The following ANKS1B variants were observed in gnomAD, a reference collection of about 807,000 sequenced individuals.
ANKS1B encodes ankyrin repeat and sterile alpha motif domain-containing protein 1B.
A neutral mutation model predicts 148.3 loss-of-function variants in ANKS1B; 36 were observed. The ratio of observed to expected loss-of-function variants is 0.24; its 90% confidence interval spans 0.19 to 0.32. ANKS1B has a LOEUF of 0.32. Among genes scored for constraint, ANKS1B ranks in the 10% least tolerant of loss-of-function variants. The pLI is 1.00. For synonymous variants in ANKS1B, 542 were observed against 560.8 expected (o/e 0.97, Z 0.47); for missense variants, 1,157 against 1,542.6 (o/e 0.75, Z 4.19).
chr12:99,164,997 T>C (rs1341574385), intron 14 of ANKS1B, among the ~76,000 whole-genome samples: 1 of 152,032 alleles, frequency 6.6e-6, no homozygotes, highest in Non-Finnish European at 1.5e-5. Context: ...TTAGTTAGAA[T>C]AGTTTCTCAT....
At chr12:99,015,620 AC>A (rs2153424132) in intron 17 of ANKS1B, among the ~76,000 whole-genome samples, 1 of 152,324 alleles carries the variant, frequency 6.6e-6, no homozygotes, top group South Asian at 2.1e-4. Context: ...TAATCCCAGC[AC>A]TTTGAGAGGC....
At chr12:99,545,282 T>C (rs1238483040) in intron 9 of ANKS1B, among the ~76,000 whole-genome samples, 2 of 152,166 alleles carry the variant, frequency 1.3e-5, no homozygotes, top group East Asian at 1.9e-4. Flanking sequence ...ATGGCAAATG[T>C]ATTTAACTTT....
intron 19 of ANKS1B, among the ~76,000 whole-genome samples, chr12:98,817,967 T>C (rs1299092509): frequency 6.6e-6 from 1 of 152,206 alleles, no homozygotes; most frequent in African/African-American, 2.4e-5. Flanking sequence ...TGACCCATGA[T>C]TGCTGGAGTC....
intron 14 of ANKS1B, among the ~76,000 whole-genome samples, chr12:99,185,444 G>A (rs1277043461): frequency 6.6e-6 from 1 of 152,140 alleles, no homozygotes; most frequent in East Asian, 1.9e-4. Flanking sequence ...ATGTCATGAA[G>A]GTGGCTGGCA....
At chr12:99,916,303 G>A (rs1340729308) in intron 1 of ANKS1B, among the ~76,000 whole-genome samples, 1 of 152,174 alleles carries the variant, frequency 6.6e-6, no homozygotes, top group Non-Finnish European at 1.5e-5. Context: ...ACTGGTGAAA[G>A]TGGAATACCC....
chr12:99,409,791 A>AT (rs11407854), intron 11 of ANKS1B, among the ~76,000 whole-genome samples: 42,637 of 151,982 alleles, frequency 0.28, 6,349 homozygotes, highest in East Asian at 0.54. Context: ...AACATGTTTG[A>AT]TTTAATATAA....
chr12:99,244,445 T>A, intron 13 of ANKS1B, 31 bp from the exon 14 acceptor site: 1 of 1,402,514 alleles, frequency 7.1e-7, no homozygotes. Context: ...TTAAATGGAT[T>A]GTTACATTCA....
chr12:99,682,573 C>T (rs565226337), intron 8 of ANKS1B, among the ~76,000 whole-genome samples: 13 of 152,248 alleles, frequency 8.5e-5, no homozygotes, highest in African/African-American at 2.4e-4. Flanking sequence ...AATAGTGACA[C>T]ATCCTATCAA....
intron 8 of ANKS1B, among the ~76,000 whole-genome samples, chr12:99,676,333 T>G (rs1008545298): frequency 5.2e-4 from 79 of 152,290 alleles, no homozygotes; most frequent in African/African-American, 1.7e-3. Context: ...ATAAAATATA[T>G]TAAAACACAT....
intron 17 of ANKS1B, among the ~76,000 whole-genome samples, chr12:99,008,189 A>C (rs892907182): frequency 1.3e-5 from 2 of 152,130 alleles, no homozygotes; most frequent in Non-Finnish European, 2.9e-5. Flanking sequence ...CTCAGACAAA[A>C]GGAAAAGTCA....
chr12:99,251,786 A>G (rs1219901172), intron 12 of ANKS1B, among the ~76,000 whole-genome samples: 3 of 152,202 alleles, frequency 2.0e-5, no homozygotes, highest in African/African-American at 7.2e-5. Flanking sequence ...CTATTGGGTC[A>G]TTGCATCTGA....
At chr12:99,060,473 A>T (rs1304592715) in intron 16 of ANKS1B, among the ~76,000 whole-genome samples, 1 of 152,160 alleles carries the variant, frequency 6.6e-6, no homozygotes, top group Non-Finnish European at 1.5e-5. Flanking sequence ...AAGAGGAAGA[A>T]AGGTTTTCTC....
intron 17 of ANKS1B, among the ~76,000 whole-genome samples, chr12:98,877,370 T>C (rs1454592089): frequency 2.0e-5 from 3 of 152,254 alleles, no homozygotes; most frequent in Admixed American, 1.3e-4. Flanking sequence ...CCACAAATAA[T>C]AAACAAAAAA....
At chr12:99,874,022 C>CATATATATATATATATATATAT (rs150860727) in intron 1 of ANKS1B, among the ~76,000 whole-genome samples, 43 of 137,914 alleles carry the variant, frequency 3.1e-4, no homozygotes, top group African/African-American at 1.3e-3. Context: ...CTCTCTCTCA[C>CATATATATATATATATATATAT]ATATATATAT....
At chr12:99,267,500 C>A (rs2076561843) in intron 12 of ANKS1B, among the ~76,000 whole-genome samples, 1 of 152,050 alleles carries the variant, frequency 6.6e-6, no homozygotes, top group Non-Finnish European at 1.5e-5. Context: ...ATAGGATAAT[C>A]TGTGAGGCAG....
intron 17 of ANKS1B, among the ~76,000 whole-genome samples, chr12:98,985,780 G>C (rs2099922969): frequency 6.6e-6 from 1 of 151,850 alleles, no homozygotes; most frequent in African/African-American, 2.4e-5. Context: ...TTAAAAATAA[G>C]TAAGAAAACA....
intron 12 of ANKS1B, among the ~76,000 whole-genome samples, chr12:99,274,984 AC>A (rs1435438736): frequency 1.3e-5 from 2 of 152,172 alleles, no homozygotes; most frequent in Non-Finnish European, 2.9e-5. Flanking sequence ...TTTCCAAAGG[AC>A]CAGGCAAAAT....
At chr12:99,919,776 A>G (rs2094293080) in intron 1 of ANKS1B, among the ~76,000 whole-genome samples, 1 of 125,628 alleles carries the variant, frequency 8.0e-6, no homozygotes, top group Non-Finnish European at 1.7e-5. Flanking sequence ...TGTGCTGCAG[A>G]GTTAAAAAAA....
At chr12:99,912,993 C>T (rs7303897) in intron 1 of ANKS1B, among the ~76,000 whole-genome samples, 5,874 of 152,180 alleles carry the variant, frequency 0.039, 364 homozygotes, top group African/African-American at 0.13. Context: ...TCATCCTCTT[C>T]GTGATACCAA....
Sources: gnomAD v4.1 joint callset for allele counts (sites outside exome capture counted in the v4.1 genomes callset) on GRCh38, gnomAD v4.1.1 for gene constraint, MANE v1.5 for transcripts, NCBI Gene and HGNC (gene_info 2026-07-23, HGNC 2026-07-21) for gene names.